Variants in CCDC85A observed in about 807,000 individuals in gnomAD.
CCDC85A encodes the protein coiled-coil domain-containing protein 85A.
A neutral mutation model predicts 50.2 loss-of-function variants in CCDC85A; 38 were observed. The ratio of observed to expected loss-of-function variants is 0.76; its 90% CI spans 0.58 to 0.99. The LOEUF is 0.99. CCDC85A is among the 50% of genes least tolerant of loss of function. CCDC85A has a pLI of 0.00. For missense variants in CCDC85A, 820 were observed against 742.0 expected (o/e 1.11, Z -1.22); for synonymous variants, 366 against 301.4 (o/e 1.21, Z -2.22).
chr2:56,193,873 T>C (rs1199963798), intron 2 of CCDC85A, among the ~76,000 whole-genome samples: 2 of 152,170 alleles, frequency 1.3e-5, no homozygotes, highest in African/African-American at 4.8e-5. Flanking sequence ...ATAGGTTATA[T>C]ACAAGAAGAT....
chr2:56,372,594 G>A (rs868015731), intron 4 of CCDC85A, 116 bp downstream of exon 4: 3 of 1,188,490 alleles, frequency 2.5e-6, no homozygotes, highest in Middle Eastern at 4.6e-4. Context: ...ATGAAAGAAA[G>A]TTGTATGTCT....
At chr2:56,190,961 C>T (rs1270276780) in intron 1 of CCDC85A, among the ~76,000 whole-genome samples, 1 of 152,222 alleles carries the variant, frequency 6.6e-6, no homozygotes, top group Non-Finnish European at 1.5e-5. Flanking sequence ...CTGACCATGC[C>T]ATGCATATTC....
At chr2:56,350,513 A>T (rs961171058) in intron 3 of CCDC85A, among the ~76,000 whole-genome samples, 2 of 152,188 alleles carry the variant, frequency 1.3e-5, no homozygotes, top group Non-Finnish European at 2.9e-5. Flanking sequence ...GAAACATTGT[A>T]TAGTGTTAGA....
At chr2:56,240,892 G>A (rs975331096) in intron 2 of CCDC85A, among the ~76,000 whole-genome samples, 6 of 152,070 alleles carry the variant, frequency 3.9e-5, no homozygotes, top group African/African-American at 1.4e-4. Flanking sequence ...ATTCTCCTGG[G>A]AGTGGAATTG....
chr2:56,378,904 C>T (rs530411887), intron 5 of CCDC85A, among the ~76,000 whole-genome samples: 1 of 152,132 alleles, frequency 6.6e-6, no homozygotes, highest in African/African-American at 2.4e-5. Flanking sequence ...TTTTGTATTA[C>T]TTCAACACTT....
intron 2 of CCDC85A, among the ~76,000 whole-genome samples, chr2:56,341,963 G>A (rs903876989): frequency 2.7e-4 from 39 of 146,224 alleles, no homozygotes; most frequent in Non-Finnish European, 5.4e-4. Flanking sequence ...AGAACTGGAT[G>A]TTTGAAAAAT....
At chr2:56,203,842 T>C (rs989034407) in intron 2 of CCDC85A, among the ~76,000 whole-genome samples, 5 of 152,240 alleles carry the variant, frequency 3.3e-5, no homozygotes, top group African/African-American at 7.2e-5. Context: ...ATTTAAAATG[T>C]GTTTAAAACA....
At chr2:56,362,299 A>G (rs1675567110) in intron 3 of CCDC85A, among the ~76,000 whole-genome samples, 1 of 152,136 alleles carries the variant, frequency 6.6e-6, no homozygotes, top group African/African-American at 2.4e-5. Context: ...ATCAAGTTCT[A>G]TTTTGGACAT....
At chr2:56,316,063 G>A (rs1420093602) in intron 2 of CCDC85A, among the ~76,000 whole-genome samples, 1 of 152,118 alleles carries the variant, frequency 6.6e-6, no homozygotes, top group African/African-American at 2.4e-5. Flanking sequence ...GATTCAGACG[G>A]AATGTTGGCA....
rs1268426722 is a variant in CCDC85A, at chr2:56,385,581, T to C, written c.*1226T>C. 1 of 150,232 alleles carries C rather than the reference T, an allele frequency of 6.7e-6. No homozygotes were observed. Among genetic ancestry groups the C allele is most frequent in the Non-Finnish European group, 1.5e-5 (1 of 67,806 alleles). 9.3% of individuals were successfully genotyped at this position (150,232 alleles called of 1,614,324 possible). On this transcript the variant is annotated 3_prime_UTR_variant, in exon 6 of 6. Coordinates refer to ENST00000407595, the MANE Select transcript of CCDC85A (RefSeq NM_001080433.2). The stretch of plus-strand genomic sequence containing the variant: ...CGAATGCTACGTTTTTATGGTAGTT[T>C]AAGATTATAAAAGTAGAAATGCAAC...
chr2:56,189,256 G>T (rs1427447123), intron 1 of CCDC85A, among the ~76,000 whole-genome samples: 1 of 149,266 alleles, frequency 6.7e-6, no homozygotes, highest in Non-Finnish European at 1.5e-5. Flanking sequence ...GATGGGGATT[G>T]ATAAACAGGA....
At chr2:56,225,348 C>G (rs1042580884) in intron 2 of CCDC85A, among the ~76,000 whole-genome samples, 1 of 152,212 alleles carries the variant, frequency 6.6e-6, no homozygotes, top group Non-Finnish European at 1.5e-5. Flanking sequence ...ATCACTTGAA[C>G]ACAGGAGGTG....
chr2:56,371,857 AT>A (rs557153429), intron 3 of CCDC85A, among the ~76,000 whole-genome samples: 10 of 152,274 alleles, frequency 6.6e-5, no homozygotes, highest in Admixed American at 6.5e-4. Context: ...TTTGTTAAAA[AT>A]TTGATGCAGT....
intron 2 of CCDC85A, among the ~76,000 whole-genome samples, chr2:56,211,550 C>T: frequency 6.6e-6 from 1 of 151,780 alleles, no homozygotes; most frequent in East Asian, 1.9e-4. Context: ...ATAAAGCAAT[C>T]AGAGTTTTTT....
intron 2 of CCDC85A, among the ~76,000 whole-genome samples, chr2:56,300,259 C>T (rs1050021914): frequency 6.6e-6 from 1 of 152,070 alleles, no homozygotes; most frequent in Non-Finnish European, 1.5e-5. Flanking sequence ...ATAAGATGAT[C>T]CTTAAGGGTA....
intron 2 of CCDC85A, among the ~76,000 whole-genome samples, chr2:56,296,625 G>A (rs1027865525): frequency 6.6e-6 from 1 of 152,116 alleles, no homozygotes; most frequent in African/African-American, 2.4e-5. Context: ...CTTTTGTCAG[G>A]ATTCTGGCCT....
chr2:56,287,916 T>C (rs1671517792), intron 2 of CCDC85A, among the ~76,000 whole-genome samples: 1 of 152,106 alleles, frequency 6.6e-6, no homozygotes, highest in Admixed American at 6.6e-5. Flanking sequence ...TTCTTTCCTG[T>C]TGTCTTTGAG....
rs73940641 is a variant in CCDC85A, at chr2:56,269,829, G to A, written c.1241-73050G>A. On this transcript the variant is annotated intron_variant, in intron 2 of 5. Transcript: ENST00000407595. ...AGAGTTAACATCCATTTCCTCTCTT[G>A]CGTTATTTCAGATGATCCATTTCGA... is the stretch of plus-strand genomic sequence containing the variant. Among the ~76,000 whole-genome samples the A allele has an allele frequency of 4.7e-3, 710 of 152,112 alleles. 8 individuals carry two copies. The highest frequency in any genetic ancestry group is 0.016 in the African/African-American group (646 of 41,488).
intron 5 of CCDC85A, among the ~76,000 whole-genome samples, chr2:56,380,420 C>A (rs954172814): frequency 6.6e-6 from 1 of 151,912 alleles, no homozygotes; most frequent in African/African-American, 2.4e-5. Context: ...TTAGGCCAGG[C>A]ACAGTAGCAC....
Sources: gnomAD v4.1 joint callset for allele counts (sites outside exome capture counted in the v4.1 genomes callset) on GRCh38, gnomAD v4.1.1 for gene constraint, MANE v1.5 for transcripts, NCBI Gene and HGNC (gene_info 2026-07-23, HGNC 2026-07-21) for gene names.